Variants in CUL1 observed in about 807,000 individuals in gnomAD.
CUL1 encodes the protein cullin 1, also known as cullin-1.
Under a neutral mutation model 118.0 loss-of-function variants are expected in CUL1, and 24 were observed. The observed-to-expected ratio is 0.20, with a 90% CI of 0.15 to 0.29. The LOEUF is 0.29. Among genes scored for constraint, CUL1 ranks in the 10% least tolerant of loss-of-function variants. The pLI is 1.00. For synonymous variants in CUL1, 332 were observed against 340.4 expected (o/e 0.98, Z 0.27); for missense variants, 361 against 933.8 (o/e 0.39, Z 7.99).
At chr7:148,793,552 C>CT (rs1801088207) in intron 17 of CUL1, among the ~76,000 whole-genome samples, 5 of 152,204 alleles carry the variant, frequency 3.3e-5, no homozygotes, top group Admixed American at 1.3e-4. Context: ...TAACACATGA[C>CT]TTTCTGTGCC....
At chr7:148,763,225 G>A (rs905030355) in intron 7 of CUL1, among the ~76,000 whole-genome samples, 5 of 152,138 alleles carry the variant, frequency 3.3e-5, no homozygotes, top group African/African-American at 9.7e-5. Flanking sequence ...CAATGGCCTC[G>A]ATGTTTTCAA....
chr7:148,797,396 A>C (rs1263949812), intron 17 of CUL1, among the ~76,000 whole-genome samples: 2 of 8,968 alleles, frequency 2.2e-4, no homozygotes, highest in Non-Finnish European at 4.3e-4. Flanking sequence ...CATGATGCTC[A>C]AAAAAAAAAA....
intron 7 of CUL1, among the ~76,000 whole-genome samples, chr7:148,764,952 T>C (rs1024056573): frequency 6.6e-6 from 1 of 152,236 alleles, no homozygotes; most frequent in Non-Finnish European, 1.5e-5. Flanking sequence ...TCATAGTTCA[T>C]TAACTGAACA....
At chr7:148,776,227 C>T (rs566066296) in intron 9 of CUL1, among the ~76,000 whole-genome samples, 4 of 149,464 alleles carry the variant, frequency 2.7e-5, no homozygotes, top group South Asian at 2.1e-4. Context: ...CTGTCCAGGA[C>T]GCCATGAGAC....
chr7:148,778,732 T>C (rs919077481), intron 9 of CUL1, among the ~76,000 whole-genome samples: 3 of 152,230 alleles, frequency 2.0e-5, no homozygotes, highest in African/African-American at 7.2e-5. Context: ...CTAAAGCTCT[T>C]GTAATTGATC....
intron 9 of CUL1, chr7:148,783,388 G>C: frequency 1.0e-6 from 1 of 985,484 alleles, no homozygotes; most frequent in Non-Finnish European, 1.2e-6. Context: ...CAGCCGGGCT[G>C]ATGACCGACC....
In CUL1 at chr7:148,754,194, A is replaced by T. The variant is rs755405434; in HGVS notation, c.315+44A>T. The T allele has an allele frequency of 1.0e-5, 13 of 1,241,552 alleles. No homozygotes were observed. In the East Asian group the frequency reaches 1.3e-4, roughly 12 times the overall value. The allele number at this position is 1,241,552 out of a possible 1,614,324, so 76.9% of individuals were successfully genotyped here. A position where few individuals can be genotyped will look rare whatever the true frequency, so the allele number is the denominator to read the frequency against. On this transcript the variant is annotated intron_variant, in intron 3 of 21. Coordinates refer to ENST00000325222, the MANE Select transcript of CUL1 (RefSeq NM_003592.3). ...ATACTGAGTATTCATAACAGGATAT[A>T]AAAAAAGTGAAATAATGGTTCTAAC...
At chr7:148,774,698 C>G (rs1213470950) in intron 9 of CUL1, among the ~76,000 whole-genome samples, 3 of 152,178 alleles carry the variant, frequency 2.0e-5, no homozygotes, top group Non-Finnish European at 4.4e-5. Flanking sequence ...GTGTCCTCAG[C>G]CTAACAGGTA....
In CUL1 at chr7:148,750,999, A is replaced by C. The variant is rs1187196638; in HGVS notation, c.141-2977A>C. ...CCTGTCTCTTTAAAAAAAAAAAAAA[A>C]CAAAACAAAACTGTCTATGCCCTAG... On this transcript the variant is annotated intron_variant, in intron 2 of 21. Coordinates refer to ENST00000325222, the MANE Select transcript of CUL1 (RefSeq NM_003592.3). 4.1e-5 allele frequency among the ~76,000 whole-genome samples: 6 copies of C among 147,880 alleles called. No homozygotes were observed. In the South Asian group the frequency reaches 8.7e-4, roughly 21 times the overall value.
intron 9 of CUL1, chr7:148,783,277 C>T (rs1800704628): frequency 1.2e-5 from 11 of 956,326 alleles, no homozygotes; most frequent in Non-Finnish European, 1.4e-5. Context: ...GAGGCCCTGG[C>T]CCCCGGCATC....
At chr7:148,795,780 A>G (rs1801177948) in intron 17 of CUL1, among the ~76,000 whole-genome samples, 1 of 152,012 alleles carries the variant, frequency 6.6e-6, no homozygotes, top group South Asian at 2.1e-4. Flanking sequence ...AAAAAAAAAA[A>G]AAAAAAAAGG....
intron 1 of CUL1, among the ~76,000 whole-genome samples, chr7:148,717,105 G>T (rs1472263408): frequency 2.6e-5 from 4 of 151,850 alleles, no homozygotes; most frequent in Admixed American, 6.6e-5. Flanking sequence ...TGTCACCCAG[G>T]CTGGAGTGCA....
chr7:148,765,535 G>A (rs368012153), intron 7 of CUL1, among the ~76,000 whole-genome samples: 1 of 152,188 alleles, frequency 6.6e-6, no homozygotes, highest in Non-Finnish European at 1.5e-5. Context: ...GGAGGCTGAG[G>A]CAGGAGGATC....
chr7:148,786,264 T>G (rs772858398), intron 11 of CUL1, among the ~76,000 whole-genome samples: 6 of 152,244 alleles, frequency 3.9e-5, no homozygotes, highest in Middle Eastern at 3.2e-3. Flanking sequence ...TGGATTATCT[T>G]AAAGGCAAAC....
At chr7:148,752,735 G>A (rs1442864361) in intron 2 of CUL1, among the ~76,000 whole-genome samples, 4 of 152,110 alleles carry the variant, frequency 2.6e-5, no homozygotes, top group Non-Finnish European at 5.9e-5. Context: ...TGCAAGCTCC[G>A]CCTCCCGGGT....
At position 148,792,712 on chromosome 7, in the gene CUL1, G is replaced by A; in HGVS notation, c.1807-14G>A. The A allele has an allele frequency of 6.3e-7, 1 of 1,597,642 alleles. No individual in the cohort carries two copies. Among genetic ancestry groups the A allele is most frequent in the Non-Finnish European group, 8.5e-7 (1 of 1,170,610 alleles). ...AATTTTCCTTCTTTTTCTTTTATATGGGGGGCCGCAAAGGCGTCGACATTC... is the reference window on the plus strand; with the variant it reads ...AATTTTCCTTCTTTTTCTTTTATATAGGGGGCCGCAAAGGCGTCGACATTC... On this transcript the variant is annotated splice_polypyrimidine_tract_variant and intron_variant, in intron 16 of 21. Transcript: ENST00000325222.
intron 2 of CUL1, among the ~76,000 whole-genome samples, chr7:148,734,375 C>T (rs78860462): frequency 0.013 from 2,052 of 152,252 alleles, 21 homozygotes; most frequent in Middle Eastern, 0.02. Context: ...CTCCAAGTAG[C>T]TGGGACCACA....
rs971327870 is a variant in CUL1 at position 148,800,728 on chromosome 7, C to T, written c.*146C>T. ...GACCAAGACTCCCATCAGCTGGTCT[C>T]GGATTTACATCGGAACTGCTCAGGA... On this transcript the variant is annotated 3_prime_UTR_variant, in exon 22 of 22. Transcript: ENST00000325222. This position sits in a 1 kb window ranked among gnomAD's most constrained non-coding sequence, Gnocchi z 4.6. The T allele has an allele frequency of 1.4e-5, 9 of 630,384 alleles. No individual in the cohort carries two copies. The highest frequency in any genetic ancestry group is 9.6e-5 in the South Asian group (5 of 52,146). The allele number at this position is 630,384 out of a possible 1,614,324, so 39.0% of individuals were successfully genotyped here. A position where few individuals can be genotyped will look rare whatever the true frequency, so the allele number is the denominator to read the frequency against.
chr7:148,752,115 A>G (rs534772799), intron 2 of CUL1, among the ~76,000 whole-genome samples: 90 of 152,380 alleles, frequency 5.9e-4, no homozygotes, highest in African/African-American at 2.0e-3. Context: ...CCATCTCAAA[A>G]AAAACAAAAC....
Sources: gnomAD v4.1 joint callset for allele counts (sites outside exome capture counted in the v4.1 genomes callset) on GRCh38, gnomAD v4.1.1 for gene constraint, Gnocchi (gnomAD v3.1) non-coding constraint, MANE v1.5 for transcripts, NCBI Gene and HGNC (gene_info 2026-07-23, HGNC 2026-07-21) for gene names.